The following PBX1 variants were observed in gnomAD, a reference collection of about 807,000 sequenced individuals.
PBX1 encodes the protein pre-B-cell leukemia transcription factor 1.
A neutral mutation model predicts 53.4 loss-of-function variants in PBX1; 6 were observed. That is an observed-to-expected ratio of 0.11 (90% CI 0.06 to 0.22). PBX1 has a LOEUF of 0.22. PBX1 is among the 10% of genes least tolerant of loss of function. PBX1 has a pLI of 1.00. For missense variants in PBX1, 251 were observed against 551.4 expected, an observed-to-expected ratio of 0.46 and a Z score of 5.46; for synonymous variants, 204 against 212.3, an observed-to-expected ratio of 0.96 and a Z score of 0.34.
chr1:164,603,045 C>T (rs1656287092), intron 2 of PBX1, among the ~76,000 whole-genome samples: 1 of 152,076 alleles, frequency 6.6e-6, no homozygotes, highest in Non-Finnish European at 1.5e-5. Context: ...TTTTCCCCTA[C>T]CTTCCTTATA....
At position 164,884,966 on chromosome 1, in the gene PBX1, C is replaced by A. The variant is rs74118242; in HGVS notation, n.258-14222C>A. ...AGCAAGAGTTGTGCATGTAAAAAGACAATTAACTACATAGGGAGAAGGCAG... is the reference window on the plus strand; with the variant it reads ...AGCAAGAGTTGTGCATGTAAAAAGAAAATTAACTACATAGGGAGAAGGCAG... On this transcript the variant is annotated intron_variant and non_coding_transcript_variant, in intron 2 of 2. Coordinates refer to the PBX1 transcript ENST00000558796. Among the ~76,000 whole-genome samples the A allele has an allele frequency of 7.3e-3, 1,109 of 152,220 alleles. 18 individuals are homozygous for A. Among genetic ancestry groups the A allele is most frequent in the African/African-American group, 0.025 (1,026 of 41,526 alleles).
chr1:164,797,317 G>A (rs187753804), intron 3 of PBX1, among the ~76,000 whole-genome samples: 2 of 152,176 alleles, frequency 1.3e-5, no homozygotes, highest in African/African-American at 4.8e-5. Flanking sequence ...GAGCCCAGAC[G>A]AGGTGGGGAG....
intron 2 of PBX1, among the ~76,000 whole-genome samples, chr1:164,569,603 A>G: frequency 9.1e-6 from 1 of 110,068 alleles, no homozygotes; most frequent in Admixed American, 1.5e-4. Flanking sequence ...CAAGAGTCTC[A>G]CTCTATCTCC....
chr1:164,707,988 G>A (rs1021245608), intron 2 of PBX1, among the ~76,000 whole-genome samples: 2 of 152,256 alleles, frequency 1.3e-5, no homozygotes, highest in Non-Finnish European at 2.9e-5. Flanking sequence ...TAGACTTCAA[G>A]TGGCTTTGCC....
At position 164,662,706 on chromosome 1, in the gene PBX1, C is replaced by T. The variant is rs541660535; in HGVS notation, c.265+99395C>T. On this transcript the variant is annotated intron_variant, in intron 2 of 8. Transcript: ENST00000420696. ...GCAGTGAGATGCCTTTGTTCATGCT[C>T]AAGCACTTGTCTTTCCCGTAATTGC... Among the ~76,000 whole-genome samples the T allele has an allele frequency of 2.0e-5, 3 of 152,266 alleles. No individual in the cohort carries two copies. In the South Asian group the frequency reaches 6.2e-4, roughly 32 times the overall value.
rs562082302 is a variant in PBX1 at position 164,661,671 on chromosome 1, C to T, written c.265+98360C>T. Among the ~76,000 whole-genome samples, 52 of 152,252 alleles carry T rather than the reference C, an allele frequency of 3.4e-4. No individual in the cohort carries two copies. The South Asian group carries it at 0.01, about 30-fold the overall frequency. On this transcript the variant is annotated intron_variant, in intron 2 of 8. Coordinates refer to ENST00000420696, the MANE Select transcript of PBX1 (RefSeq NM_002585.4). ...CGAAACCCTGACCTCAGGTGATCCA[C>T]CCACCTTGGCTTCCCAAAGTGCTGG...
chr1:164,629,508 G>A, intron 2 of PBX1, among the ~76,000 whole-genome samples: 1 of 152,160 alleles, frequency 6.6e-6, no homozygotes, highest in East Asian at 1.9e-4. Flanking sequence ...TGAGTCCAGT[G>A]CACTGATTAC....
intron 2 of PBX1, among the ~76,000 whole-genome samples, chr1:164,603,928 C>CTTTTT (rs1557885817): frequency 1.5e-3 from 75 of 48,710 alleles, no homozygotes; most frequent in East Asian, 3.0e-3. Context: ...TATGTCATTT[C>CTTTTT]ATTTTTTTTT....
chr1:164,575,621 A>T (rs374020528), intron 2 of PBX1, among the ~76,000 whole-genome samples: 1 of 152,130 alleles, frequency 6.6e-6, no homozygotes, highest in African/African-American at 2.4e-5. Context: ...CTAACAAAGA[A>T]AGACTCCCAG....
chr1:164,571,429 A>G (rs986107669), intron 2 of PBX1, among the ~76,000 whole-genome samples: 1 of 152,138 alleles, frequency 6.6e-6, no homozygotes, highest in Non-Finnish European at 1.5e-5. Context: ...TTTCACATAA[A>G]TTGAATCATA....
intron 2 of PBX1, among the ~76,000 whole-genome samples, chr1:164,573,513 A>C (rs1160920148): frequency 7.2e-6 from 1 of 138,984 alleles, no homozygotes; most frequent in Non-Finnish European, 1.5e-5. Flanking sequence ...TTTTTTAAAG[A>C]CAGTGTCTCT....
chr1:164,567,674 T>G (rs1653532477), intron 2 of PBX1, among the ~76,000 whole-genome samples: 2 of 152,190 alleles, frequency 1.3e-5, no homozygotes. Flanking sequence ...GAGAAATGAC[T>G]TTTCTTTTTA....
At position 164,861,081 on chromosome 1, in the gene PBX1, A is replaced by G. The variant is rs140293487; in HGVS notation, n.257+29598A>G. On this transcript the variant is annotated intron_variant and non_coding_transcript_variant, in intron 2 of 2. Coordinates refer to the PBX1 transcript ENST00000558796. Reference sequence around the variant, plus strand: ...TACAGAGAAGGGAGGAAAAGATTTTAAAGGAGAAATGTTAAGAGAGGAAGG... The same window carrying G: ...TACAGAGAAGGGAGGAAAAGATTTTGAAGGAGAAATGTTAAGAGAGGAAGG... Among the ~76,000 whole-genome samples the G allele has an allele frequency of 3.9e-3, 580 of 150,602 alleles. 4 individuals carry two copies. Among genetic ancestry groups the G allele is most frequent in the African/African-American group, 0.013 (540 of 40,604 alleles).
At chr1:164,822,498 G>A (rs1334144619) in intron 8 of PBX1, among the ~76,000 whole-genome samples, 6 of 152,052 alleles carry the variant, frequency 3.9e-5, no homozygotes, top group African/African-American at 9.7e-5. Context: ...ATGAGGGATC[G>A]AAGGAAGAAG....
intron 2 of PBX1, chr1:164,590,554 C>G (rs1265288708): frequency 4.5e-6 from 2 of 443,892 alleles, no homozygotes; most frequent in Non-Finnish European, 9.1e-6. Context: ...TGAAATCTTA[C>G]TTGGCATTGT....
chr1:164,830,282 C>T (rs1419177265), intron 8 of PBX1, among the ~76,000 whole-genome samples: 1 of 152,124 alleles, frequency 6.6e-6, no homozygotes, highest in Non-Finnish European at 1.5e-5. Context: ...GTGATAAAAT[C>T]ACATGTAAAT....
intron 2 of PBX1, among the ~76,000 whole-genome samples, chr1:164,611,576 C>T (rs1484041975): frequency 6.6e-6 from 1 of 152,032 alleles, no homozygotes; most frequent in African/African-American, 2.4e-5. Flanking sequence ...TATACATAAT[C>T]ACTGGGGCTC....
chr1:164,753,723 C>T (rs557286138), intron 2 of PBX1, among the ~76,000 whole-genome samples: 2 of 152,244 alleles, frequency 1.3e-5, no homozygotes, highest in East Asian at 1.9e-4. Flanking sequence ...GCTTGGGGGA[C>T]GAGCATAATA....
intron 2 of PBX1, among the ~76,000 whole-genome samples, chr1:164,662,154 T>C (rs1201647466): frequency 1.3e-5 from 2 of 152,090 alleles, no homozygotes; most frequent in African/African-American, 4.8e-5. Flanking sequence ...GGCAAATCCC[T>C]GTCTCTACTA....
Sources: gnomAD v4.1 joint callset for allele counts (sites outside exome capture counted in the v4.1 genomes callset) on GRCh38, gnomAD v4.1.1 for gene constraint, MANE v1.5 for transcripts, NCBI Gene and HGNC (gene_info 2026-07-23, HGNC 2026-07-21) for gene names.